Variants in FOXN4 observed in about 807,000 individuals in gnomAD.
FOXN4 encodes the protein forkhead box protein N4.
Under a neutral mutation model 45.0 loss-of-function variants are expected in FOXN4, and 12 were observed. That is an observed-to-expected ratio of 0.27 (90% CI 0.17 to 0.43). FOXN4 has a LOEUF of 0.43. Ranked by LOEUF, FOXN4 falls within the 20% of genes least tolerant of loss-of-function variation. The pLI is 1.00. For synonymous variants in FOXN4, 297 were observed against 295.0 expected (o/e 1.01, Z -0.07); for missense variants, 560 against 694.9 (o/e 0.81, Z 2.18).
In FOXN4 at chr12:109,291,239, C is replaced by A. The variant is rs998023861; in HGVS notation, c.87-953G>T. On this transcript the variant is annotated intron_variant, in intron 2 of 9. Coordinates refer to ENST00000299162, the MANE Select transcript of FOXN4 (RefSeq NM_213596.3). This position sits in a 1 kb window ranked among gnomAD's most constrained non-coding sequence, Gnocchi z 6.6. The stretch of plus-strand genomic sequence containing the variant: ...TAGCCATGTCACTCCCCAGTGCCCT[C>A]AAGTCACACTTGCCACGCGACTCCG... Among the ~76,000 whole-genome samples, 7 of 152,088 alleles carry A rather than the reference C, an allele frequency of 4.6e-5. No individual in the cohort carries two copies. Among genetic ancestry groups the A allele is most frequent in the African/African-American group, 9.7e-5 (4 of 41,416 alleles).
chr12:109,280,983 C>T (rs1011990239), intron 9 of FOXN4, among the ~76,000 whole-genome samples: 1 of 152,162 alleles, frequency 6.6e-6, no homozygotes, highest in Non-Finnish European at 1.5e-5. Flanking sequence ...AGCCAGGTGA[C>T]CTTGGGTGAG....
At chr12:109,304,589 G>A (rs1389333671) in intron 2 of FOXN4, among the ~76,000 whole-genome samples, 1 of 152,126 alleles carries the variant, frequency 6.6e-6, no homozygotes, top group African/African-American at 2.4e-5. Flanking sequence ...TGCTGTCTAG[G>A]CCCCGCCACT....
intron 2 of FOXN4, among the ~76,000 whole-genome samples, chr12:109,298,323 T>A (rs1057488328): frequency 1.4e-5 from 2 of 147,118 alleles, no homozygotes; most frequent in Admixed American, 1.4e-4. Flanking sequence ...CGGTTCCTTT[T>A]GTTTCAGGTT....
rs2136923069 is a variant in FOXN4 at position 109,287,711 on chromosome 12, C to A, written c.468+133G>T. 1 of 1,115,938 alleles carries A rather than the reference C, an allele frequency of 9.0e-7. No homozygotes were observed. The highest frequency in any genetic ancestry group is 1.2e-6 in the Non-Finnish European group (1 of 802,324). 69.1% of individuals were successfully genotyped at this position (1,115,938 alleles called of 1,614,324 possible). On this transcript the variant is annotated intron_variant, in intron 5 of 9. Coordinates refer to ENST00000299162, the MANE Select transcript of FOXN4 (RefSeq NM_213596.3). The surrounding 1 kb of genome is among the most constrained non-coding windows in gnomAD (Gnocchi z 4.1). ...AGTTTTGGGGGAACGGAATGAATGA[C>A]CCCATGACATGAGCATGGAGGGAAT...
chr12:109,281,215 A>G (rs2136907992), intron 9 of FOXN4, among the ~76,000 whole-genome samples, 192 bp downstream of exon 9: 1 of 152,306 alleles, frequency 6.6e-6, no homozygotes, highest in Non-Finnish European at 1.5e-5. Context: ...GTCTTGTCGG[A>G]GCTCAAAAAT....
chr12:109,282,168 G>A (rs755601137), intron 8 of FOXN4, among the ~76,000 whole-genome samples: 2 of 152,180 alleles, frequency 1.3e-5, no homozygotes, highest in Admixed American at 6.5e-5. Context: ...AATAAGAGAC[G>A]ACATCAAAGG....
At chr12:109,303,539 A>G (rs145944686) in intron 2 of FOXN4, among the ~76,000 whole-genome samples, 2 of 152,318 alleles carry the variant, frequency 1.3e-5, no homozygotes, top group East Asian at 3.9e-4. Flanking sequence ...GAGAACCACC[A>G]TCCAGAGAGA....
rs1029274090 is a variant in FOXN4, at chr12:109,279,404, C to T, written c.*267G>A. 5 of 541,516 alleles carry T rather than the reference C, an allele frequency of 9.2e-6. No individual in the cohort carries two copies. The highest frequency in any genetic ancestry group is 1.7e-5 in the Non-Finnish European group (5 of 302,082). The allele number at this position is 541,516 out of a possible 1,614,324, so 33.5% of individuals were successfully genotyped here. On this transcript the variant is annotated 3_prime_UTR_variant, in exon 10 of 10. Transcript: ENST00000299162. ...AGGCCTCGGAGGAGTGTCAAGGGGT[C>T]GGGGGATGCTGGGTTGCTTGTCCAC...
intron 2 of FOXN4, among the ~76,000 whole-genome samples, chr12:109,299,240 G>A (rs971391263): frequency 2.0e-5 from 3 of 152,120 alleles, no homozygotes; most frequent in Non-Finnish European, 4.4e-5. Flanking sequence ...CCCCAAGGAC[G>A]CTTCTTGCTT....
intron 2 of FOXN4, among the ~76,000 whole-genome samples, chr12:109,304,883 T>C (rs771978424): frequency 3.9e-5 from 6 of 152,142 alleles, no homozygotes; most frequent in African/African-American, 7.2e-5. Flanking sequence ...TAAAACCCCC[T>C]CTGCAAGAAA....
intron 8 of FOXN4, among the ~76,000 whole-genome samples, chr12:109,282,982 C>T (rs907072308): frequency 1.3e-5 from 2 of 152,072 alleles, no homozygotes; most frequent in Admixed American, 6.5e-5. Flanking sequence ...ACTGAGGGAC[C>T]ATTGGCTCCT....
chr12:109,280,475 G>C (rs1305669452), intron 9 of FOXN4, among the ~76,000 whole-genome samples: 2 of 152,044 alleles, frequency 1.3e-5, no homozygotes, highest in South Asian at 2.1e-4. Flanking sequence ...GAAATGATCA[G>C]TGAACCCAGC....
In FOXN4 at chr12:109,282,953, G is replaced by A. The variant is rs112772067; in HGVS notation, c.902-1154C>T. ...CCCCAGAGCTCTCGGTGGGGTGGGC[G>A]CGATGTCATACCCCCTCAACTGAGG... is the stretch of plus-strand genomic sequence containing the variant. On this transcript the variant is annotated intron_variant, in intron 8 of 9. Transcript: ENST00000299162. Among the ~76,000 whole-genome samples the A allele has an allele frequency of 9.0e-3, 1,336 of 149,076 alleles. 20 individuals carry two copies. Among genetic ancestry groups the A allele is most frequent in the African/African-American group, 0.031 (1,264 of 40,434 alleles).
Position 109,279,113 on chromosome 12 carries a change from C to G in FOXN4, c.*558G>C, listed in dbSNP as rs1396625415. 3 of 157,154 alleles carry G rather than the reference C, an allele frequency of 1.9e-5. No individual in the cohort carries two copies. Among genetic ancestry groups the G allele is most frequent in the African/African-American group, 7.2e-5 (3 of 41,494 alleles). The allele number at this position is 157,154 out of a possible 1,614,324, so 9.7% of individuals were successfully genotyped here. On this transcript the variant is annotated 3_prime_UTR_variant, in exon 10 of 10. Transcript: ENST00000299162. The stretch of plus-strand genomic sequence containing the variant: ...GGCTGAAGGCCACCTGGACCGGCTC[C>G]CATTTCAGAGTTCAGCTTGTCCTGT...
rs574633581 is a variant in FOXN4, at chr12:109,278,866, A to C, written c.*805T>G. The C allele has an allele frequency of 6.6e-6, 1 of 152,278 alleles. No homozygotes were observed. The highest frequency in any genetic ancestry group is 2.1e-4 in the South Asian group (1 of 4,816). The allele number at this position is 152,278 out of a possible 1,614,324, so 9.4% of individuals were successfully genotyped here. On this transcript the variant is annotated 3_prime_UTR_variant, in exon 10 of 10. Coordinates refer to ENST00000299162, the MANE Select transcript of FOXN4 (RefSeq NM_213596.3). ...AAAAGTAGCCCCAGGCTGCCAAGGG[A>C]TTATGAGCCAGTTAGAGATGTCATT...
intron 2 of FOXN4, among the ~76,000 whole-genome samples, chr12:109,306,726 C>T (rs2047924844): frequency 1.3e-5 from 2 of 152,344 alleles, no homozygotes; most frequent in East Asian, 3.9e-4. Flanking sequence ...ATAACAACTC[C>T]ATGCAGTGGG....
At chr12:109,304,221 GAGAAAGAAAGAA>G (rs58280775) in intron 2 of FOXN4, among the ~76,000 whole-genome samples, 5,368 of 82,394 alleles carry the variant, frequency 0.065, 211 homozygotes, top group Middle Eastern at 0.11. Context: ...AGAAAAGAAA[GAGAAAGAAAGAA>G]AGAAAGAAAG....
chr12:109,308,391 A>C (rs1001703429), intron 1 of FOXN4, 67 bp from the exon 2 acceptor site: 1 of 1,082,150 alleles, frequency 9.2e-7, no homozygotes, highest in East Asian at 2.7e-5. Context: ...AGAAACCCAC[A>C]GTTTTCCCGC....
At chr12:109,307,060 C>G (rs1321490650) in intron 2 of FOXN4, among the ~76,000 whole-genome samples, 1 of 152,230 alleles carries the variant, frequency 6.6e-6, no homozygotes, top group Admixed American at 6.5e-5. Flanking sequence ...TGCCACGTAC[C>G]TGGCCCCAGC....
Sources: allele counts gnomAD v4.1 joint callset (sites outside exome capture counted in the v4.1 genomes callset), GRCh38; gene constraint gnomAD v4.1.1; non-coding constraint Gnocchi (gnomAD v3.1); transcripts MANE v1.5; gene names NCBI Gene and HGNC (gene_info 2026-07-23, HGNC 2026-07-21).